HTR5A: variants seen among roughly 807,000 people sequenced by gnomAD.
HTR5A encodes 5-HT-5.
HTR5A carries 21 observed loss-of-function variants against 24.3 expected under a neutral mutation model. The ratio of observed to expected loss-of-function variants is 0.86; its 90% confidence interval spans 0.61 to 1.24. The LOEUF is 1.24. Among genes scored for constraint, HTR5A ranks in the 50% most tolerant of loss-of-function variants. HTR5A has a pLI of 0.00. For missense variants in HTR5A, 497 were observed against 489.5 expected (o/e 1.02, Z -0.15); for synonymous variants, 260 against 213.7 (o/e 1.22, Z -1.89).
At chr7:155,081,909 CA>C in intron 1 of HTR5A, among the ~76,000 whole-genome samples, 1 of 152,286 alleles carries the variant, frequency 6.6e-6, no homozygotes, top group African/African-American at 2.4e-5. Flanking sequence ...AAAGATGGCC[CA>C]GTAAAATAAT....
chr7:155,073,469 G>A (rs566457069), intron 1 of HTR5A, among the ~76,000 whole-genome samples: 1 of 152,080 alleles, frequency 6.6e-6, no homozygotes, highest in African/African-American at 2.4e-5. Context: ...CTGAATTTGG[G>A]TAACTCTGAT....
At chr7:155,072,222 C>T (rs1307980143) in intron 1 of HTR5A, among the ~76,000 whole-genome samples, 1 of 152,160 alleles carries the variant, frequency 6.6e-6, no homozygotes, top group Non-Finnish European at 1.5e-5. Context: ...ATCCTCCCGT[C>T]CTGACGTAAG....
intron 1 of HTR5A, among the ~76,000 whole-genome samples, chr7:155,073,381 A>C (rs1399740384): frequency 6.6e-6 from 1 of 151,868 alleles, no homozygotes; most frequent in Non-Finnish European, 1.5e-5. Flanking sequence ...TAGAGAGGTC[A>C]GAAATGCTGC....
At position 155,086,364 on chromosome 7, in the gene HTR5A, T is replaced by C. The variant is rs1323641317; in HGVS notation, c.*1877T>C. On this transcript the variant is annotated 3_prime_UTR_variant, in exon 2 of 2. Transcript: ENST00000287907. ...AATCCATAAATCGTGAGTGTCTTAC[T>C]GTTTAAAAAAGTTCATACTCTTCAG... 6.6e-6 allele frequency among the ~76,000 whole-genome samples: 1 copy of C among 152,246 alleles called. No individual in the cohort carries two copies. The highest frequency in any genetic ancestry group is 1.9e-4 in the East Asian group (1 of 5,202).
In HTR5A at chr7:155,071,249, G is replaced by T. The variant is rs1442673000; in HGVS notation, c.350G>T (p.Trp117Leu). The T allele has an allele frequency of 1.9e-6, 3 of 1,605,240 alleles. No homozygotes were observed. Among genetic ancestry groups the T allele is most frequent in the Non-Finnish European group, 2.5e-6 (3 of 1,179,930 alleles). ...WQLGRRLCQL[W>L]IACDVLCCTA... ...CTAGGTCGGAGGCTGTGCCAGCTTT[G>T]GATCGCGTGCGACGTGCTTTGCTGC... Residue 117 changes from tryptophan (W) to leucine (L), a missense_variant, in exon 1 of 2, where the codon TGG becomes TTG. Coordinates refer to ENST00000287907, the MANE Select transcript of HTR5A (RefSeq NM_024012.4).
chr7:155,071,485 C>A lies in HTR5A; in HGVS notation c.586C>A (p.Arg196Ser), dbSNP rs767963101. The A allele has an allele frequency of 6.2e-7, 1 of 1,614,168 alleles. No individual in the cohort carries two copies. Among genetic ancestry groups the A allele is most frequent in the South Asian group, 1.1e-5 (1 of 91,088 alleles). The change falls in exon 1 of 2, where the codon CGC becomes AGC. Residue 196 changes from arginine to serine, a missense_variant. Physicochemically the swap from Arg to Ser is moderately radical, Grantham distance 110. Transcript: ENST00000287907. ...SEGSEECQVS[R>S]EPSYAVFSTV... ...GGGCAGCGAGGAGTGCCAGGTAAGC[C>A]GCGAGCCTTCCTACGCCGTGTTCTC... is the stretch of plus-strand genomic sequence containing the variant.
chr7:155,076,233 G>A (rs1443515402), intron 1 of HTR5A, among the ~76,000 whole-genome samples: 3 of 152,142 alleles, frequency 2.0e-5, no homozygotes, highest in African/African-American at 7.2e-5. Flanking sequence ...AGGTTCCCTG[G>A]AGGACCTCAG....
At chr7:155,082,448 G>A (rs1795428180) in intron 1 of HTR5A, among the ~76,000 whole-genome samples, 1 of 152,076 alleles carries the variant, frequency 6.6e-6, no homozygotes, top group Non-Finnish European at 1.5e-5. Context: ...AATCCATGGT[G>A]TTTCCAGTAT....
rs187527686 is a variant in HTR5A at position 155,077,456 on chromosome 7, T to C, written c.741+5816T>C. On this transcript the variant is annotated intron_variant, in intron 1 of 1. Coordinates refer to ENST00000287907, the MANE Select transcript of HTR5A (RefSeq NM_024012.4). ...TCTGGTATAACCTATAACCAATAGG[T>C]TTTTTTTTTGTTTTTTTTTTTTTTT... Among the ~76,000 whole-genome samples, 5 of 114,474 alleles carry C rather than the reference T, an allele frequency of 4.4e-5. No homozygotes were observed. In the East Asian group the frequency reaches 1.4e-3, roughly 32 times the overall value. The allele number at this position is 114,474 out of a possible 152,430, so 75.1% of individuals were successfully genotyped here.
At chr7:155,071,781 A>G in intron 1 of HTR5A, 141 bp downstream of exon 1, 1 of 801,690 alleles carries the variant, frequency 1.2e-6, no homozygotes, top group South Asian at 1.8e-5. Context: ...GGGAGAGTGG[A>G]AGAAAGCATC....
rs775484626 is a variant in HTR5A at position 155,084,503 on chromosome 7, T to A, written c.*16T>A. ...GCAACACTGAGGGAGAGGACCAGGA[T>A]TGAAAAAAGTTTCTTCCCATAATTC... On this transcript the variant is annotated 3_prime_UTR_variant, in exon 2 of 2. Coordinates refer to ENST00000287907, the MANE Select transcript of HTR5A (RefSeq NM_024012.4). 2 of 1,573,076 alleles carry A rather than the reference T, an allele frequency of 1.3e-6. No homozygotes were observed. The highest frequency in any genetic ancestry group is 1.4e-5 in the African/African-American group (1 of 73,430).
Position 155,084,170 on chromosome 7 carries a change from A to G in HTR5A, c.757A>G (p.Lys253Glu). 1 of 1,606,892 alleles carries G rather than the reference A, an allele frequency of 6.2e-7. No individual in the cohort carries two copies. The highest frequency in any genetic ancestry group is 1.1e-5 in the South Asian group (1 of 90,390). The change falls in exon 2 of 2, where the codon AAA (lysine) becomes GAA (glutamate). Residue 253 changes from lysine to glutamate, a missense_variant. Transcript: ENST00000287907. ...SEAVEVKDSA[K>E]QPQMVFTVRH... ...TCTTTTACAGGTGAAGGACTCTGCC[A>G]AACAGCCCCAGATGGTGTTCACGGT... is the stretch of plus-strand genomic sequence containing the variant.
rs530150349 is a variant in HTR5A at position 155,085,212 on chromosome 7, T to G, written c.*725T>G. 1.3e-5 allele frequency: 2 copies of G among 152,362 alleles called. No individual in the cohort carries two copies. The highest frequency in any genetic ancestry group is 4.8e-5 in the African/African-American group (2 of 41,566). The allele number at this position is 152,362 out of a possible 1,614,324, so 9.4% of individuals were successfully genotyped here. On this transcript the variant is annotated 3_prime_UTR_variant, in exon 2 of 2. Transcript: ENST00000287907. Reference sequence around the variant, plus strand: ...GAAACAGGCACTGAGGGTAACTACTTCCTTTCATTTTGAAGCAACAGTTTA... The same window carrying G: ...GAAACAGGCACTGAGGGTAACTACTGCCTTTCATTTTGAAGCAACAGTTTA...
At chr7:155,083,018 T>C (rs1795434992) in intron 1 of HTR5A, among the ~76,000 whole-genome samples, 1 of 152,214 alleles carries the variant, frequency 6.6e-6, no homozygotes, top group Non-Finnish European at 1.5e-5. Context: ...TTCTACAAAT[T>C]TGGTAATTTA....
At chr7:155,074,204 C>T (rs1307540475) in intron 1 of HTR5A, among the ~76,000 whole-genome samples, 1 of 152,048 alleles carries the variant, frequency 6.6e-6, no homozygotes, top group African/African-American at 2.4e-5. Flanking sequence ...GAGTTTTATT[C>T]AAATACATGC....
intron 1 of HTR5A, among the ~76,000 whole-genome samples, chr7:155,073,901 A>ATGTATATATATATATGTG (rs372446793): frequency 7.8e-6 from 1 of 128,708 alleles, no homozygotes; most frequent in Admixed American, 8.0e-5. Flanking sequence ...ATATATATAT[A>ATGTATATATATATATGTG]TATATATATA....
chr7:155,071,534 CGCTCTGTGTGGT>C lies in HTR5A; in HGVS notation c.641_652del (p.Cys214_Leu217del). ...TCCACCGTAGGCGCCTTCTACCTGC[CGCTCTGTGTGGT>C]GCTCTTCGTGTACTGGAAGATCTAC... On this transcript the variant is annotated inframe_deletion, in exon 1 of 2. Coordinates refer to ENST00000287907, the MANE Select transcript of HTR5A (RefSeq NM_024012.4). 6.2e-7 allele frequency: 1 copy of C among 1,614,192 alleles called. No individual in the cohort carries two copies. The highest frequency in any genetic ancestry group is 8.5e-7 in the Non-Finnish European group (1 of 1,180,048).
chr7:155,081,714 A>G (rs542625507), intron 1 of HTR5A, among the ~76,000 whole-genome samples: 271 of 152,344 alleles, frequency 1.8e-3, no homozygotes, highest in Non-Finnish European at 2.7e-3. Flanking sequence ...AGAGCTAAGG[A>G]GTACATAAGT....
chr7:155,083,085 G>A (rs575174079), intron 1 of HTR5A, among the ~76,000 whole-genome samples: 32 of 145,840 alleles, frequency 2.2e-4, no homozygotes, highest in African/African-American at 7.7e-4. Flanking sequence ...GTTATTCCAT[G>A]TGATAGTAAG....
Sources: gnomAD v4.1 joint callset for allele counts (sites outside exome capture counted in the v4.1 genomes callset) on GRCh38, gnomAD v4.1.1 for gene constraint, MANE v1.5 for transcripts, NCBI Gene and HGNC (gene_info 2026-07-23, HGNC 2026-07-21) for gene names.